The following NDRG3 variants were observed in gnomAD, a reference collection of about 807,000 sequenced individuals.
The protein encoded by NDRG3 is protein NDRG3.
In NDRG3, 23 loss-of-function variants were observed where a neutral mutation model predicts 57.2. The ratio of observed to expected loss-of-function variants is 0.40; its 90% CI spans 0.29 to 0.57. The LOEUF (loss-of-function observed/expected upper bound fraction) is 0.57, where lower values mean the gene tolerates loss of function less well. Among genes scored for constraint, NDRG3 ranks in the 20% least tolerant of loss-of-function variants. NDRG3 has a pLI of 0.42. For synonymous variants in NDRG3, 132 were observed against 162.6 expected (o/e 0.81, Z 1.43); for missense variants, 384 against 457.3 (o/e 0.84, Z 1.46).
intron 6 of NDRG3, among the ~76,000 whole-genome samples, chr20:36,682,999 T>C (rs1434435759): frequency 3.3e-5 from 5 of 151,108 alleles, no homozygotes; most frequent in Non-Finnish European, 5.9e-5. Flanking sequence ...TCCCAGCACT[T>C]TGGGAGGCCG....
At chr20:36,699,614 T>C (rs1225626539) in intron 3 of NDRG3, among the ~76,000 whole-genome samples, 2 of 152,146 alleles carry the variant, frequency 1.3e-5, no homozygotes, top group African/African-American at 4.8e-5. Flanking sequence ...CACCAGTTTA[T>C]ACTCTGGCTC....
chr20:36,744,133 A>C (rs1231650458), intron 1 of NDRG3, among the ~76,000 whole-genome samples: 1 of 151,918 alleles, frequency 6.6e-6, no homozygotes, highest in Non-Finnish European at 1.5e-5. Flanking sequence ...CCATCTCCCG[A>C]ACTCGTGATC....
At chr20:36,697,708 CAAA>C (rs909080495) in intron 3 of NDRG3, among the ~76,000 whole-genome samples, 8 of 85,108 alleles carry the variant, frequency 9.4e-5, no homozygotes, top group Admixed American at 1.3e-4. Context: ...AACTCTGTCT[CAAA>C]AAAAAAAAAA....
chr20:36,658,140 AT>A (rs887929188), intron 13 of NDRG3, among the ~76,000 whole-genome samples: 2 of 151,874 alleles, frequency 1.3e-5, no homozygotes, highest in Non-Finnish European at 2.9e-5. Flanking sequence ...TTAAAAAAAA[AT>A]TTTTTTTGAG....
Position 36,688,683 on chromosome 20 carries a change from G to A in NDRG3, c.195C>T (p.Leu65=), listed in dbSNP as rs1391034319. The A allele has an allele frequency of 5.6e-6, 9 of 1,607,986 alleles. 1 individual carries two copies. The Admixed American group carries it at 1.0e-4, about 18-fold the overall frequency. Reference sequence around the variant, plus strand: ...GGTGTAAAATAAAATACATACGGTTGAGGCCAATGTCATGATATGTTAGTA... The same window carrying A: ...GGTGTAAAATAAAATACATACGGTTAAGGCCAATGTCATGATATGTTAGTA... The part of the protein sequence containing the change: ...PVILTYHDIG[L]NHKSCFNAFF... The change falls in exon 4 of 16, where the codon CTC becomes CTT. Residue 65 remains leucine, a synonymous_variant. Transcript: ENST00000349004.
intron 1 of NDRG3, among the ~76,000 whole-genome samples, chr20:36,741,124 C>T (rs1200711862): frequency 2.0e-5 from 3 of 152,144 alleles, no homozygotes; most frequent in Admixed American, 6.6e-5. Flanking sequence ...CAGGCTTGTC[C>T]GTTTTCTTCC....
At chr20:36,666,912 C>A (rs1979681787) in intron 9 of NDRG3, among the ~76,000 whole-genome samples, 1 of 152,196 alleles carries the variant, frequency 6.6e-6, no homozygotes, top group Admixed American at 6.5e-5. Context: ...CAGCTCACTG[C>A]AACCTCCACC....
chr20:36,695,166 C>T (rs1982668729), intron 3 of NDRG3, among the ~76,000 whole-genome samples: 1 of 152,122 alleles, frequency 6.6e-6, no homozygotes, highest in Non-Finnish European at 1.5e-5. Context: ...CCAATCAATA[C>T]TCATAATTTC....
chr20:36,735,863 C>A (rs1451698444), intron 1 of NDRG3, among the ~76,000 whole-genome samples: 2 of 151,756 alleles, frequency 1.3e-5, no homozygotes, highest in African/African-American at 2.4e-5. Flanking sequence ...ATGGCGCATG[C>A]CTTAATCCCA....
chr20:36,687,904 C>A (rs756154216), intron 4 of NDRG3, among the ~76,000 whole-genome samples: 1 of 152,222 alleles, frequency 6.6e-6, no homozygotes, highest in Non-Finnish European at 1.5e-5. Context: ...TAATCTTACA[C>A]CCATAATGCT....
At chr20:36,740,799 A>G (rs1296155547) in intron 1 of NDRG3, among the ~76,000 whole-genome samples, 1 of 152,224 alleles carries the variant, frequency 6.6e-6, no homozygotes, top group East Asian at 1.9e-4. Context: ...AACACCCTTC[A>G]TATATCAGTT....
chr20:36,665,357 G>T, intron 10 of NDRG3, 56 bp from the exon 11 acceptor site: 1 of 1,518,296 alleles, frequency 6.6e-7, no homozygotes, highest in Non-Finnish European at 9.1e-7. Context: ...AGCAACTCAG[G>T]TTATTTTCTG....
chr20:36,733,158 AAAAAAAAAAAAAAATATAT>A (rs1224676017), intron 1 of NDRG3, among the ~76,000 whole-genome samples: 3 of 46,380 alleles, frequency 6.5e-5, no homozygotes, highest in African/African-American at 1.3e-4. Context: ...AAAAAAAAAA[AAAAAAAAAAAAAAATATAT>A]ATATATATAT....
intron 9 of NDRG3, 134 bp from the exon 10 acceptor site, chr20:36,666,526 A>G: frequency 1.5e-6 from 1 of 649,594 alleles, no homozygotes; most frequent in South Asian, 1.8e-5. Context: ...CCTGGGGACT[A>G]CTGATGTACT....
chr20:36,730,984 G>A (rs921338201), intron 1 of NDRG3, among the ~76,000 whole-genome samples: 5 of 151,684 alleles, frequency 3.3e-5, no homozygotes, highest in Non-Finnish European at 7.4e-5. Context: ...AACAAGGTCA[G>A]AGAAGAGTTA....
intron 1 of NDRG3, among the ~76,000 whole-genome samples, chr20:36,740,841 T>C (rs1985894378): frequency 6.6e-6 from 1 of 152,170 alleles, no homozygotes; most frequent in Admixed American, 6.5e-5. Context: ...CAATTAATTG[T>C]AGGTAAATAT....
chr20:36,735,970 CAAAAAAAAAAAA>C (rs576981000), intron 1 of NDRG3, among the ~76,000 whole-genome samples: 1 of 50,970 alleles, frequency 2.0e-5, no homozygotes, highest in Admixed American at 2.3e-4. Context: ...GGCCCTGTCT[CAAAAAAAAAAAA>C]AAAAAAAAAA....
intron 3 of NDRG3, 131 bp downstream of exon 3, chr20:36,706,841 T>A (rs544833422): frequency 2.8e-6 from 2 of 712,996 alleles, no homozygotes; most frequent in East Asian, 5.4e-5. Flanking sequence ...CTTGATCCAA[T>A]GACCAAACGA....
At chr20:36,711,856 T>C (rs1983902045) in intron 2 of NDRG3, among the ~76,000 whole-genome samples, 1 of 152,022 alleles carries the variant, frequency 6.6e-6, no homozygotes, top group Admixed American at 6.5e-5. Flanking sequence ...CTTGGCTCAC[T>C]GCAAGCTCCG....
Sources: gnomAD v4.1 joint callset for allele counts (sites outside exome capture counted in the v4.1 genomes callset) on GRCh38, gnomAD v4.1.1 for gene constraint, MANE v1.5 for transcripts, NCBI Gene and HGNC (gene_info 2026-07-23, HGNC 2026-07-21) for gene names.